The following PIK3AP1 variants were observed in gnomAD, a reference collection of about 807,000 sequenced individuals.
PIK3AP1 encodes phosphoinositide-3-kinase adaptor protein 1.
A neutral mutation model predicts 88.1 loss-of-function variants in PIK3AP1; 21 were observed. The observed-to-expected ratio is 0.24, with a 90% CI of 0.17 to 0.34. The LOEUF is 0.34. Ranked by LOEUF, PIK3AP1 falls within the 10% of genes least tolerant of loss-of-function variation. The pLI is 1.00. For synonymous variants in PIK3AP1, 398 were observed against 400.0 expected, an observed-to-expected ratio of 1.00 and a Z score of 0.06; for missense variants, 828 against 1,035.7, an observed-to-expected ratio of 0.80 and a Z score of 2.75.
chr10:96,622,018 C>T (rs913268404), intron 11 of PIK3AP1, among the ~76,000 whole-genome samples: 2 of 152,218 alleles, frequency 1.3e-5, no homozygotes, highest in Non-Finnish European at 2.9e-5. Context: ...AGAGAATACA[C>T]TGGAAGAGTT....
intron 8 of PIK3AP1, among the ~76,000 whole-genome samples, chr10:96,628,888 ACATATATATATATATATATGTG>A (rs1190005755): frequency 0.012 from 439 of 35,996 alleles, 7 homozygotes; most frequent in African/African-American, 0.046. Flanking sequence ...ATATATATAT[ACATATATATATATATATATGTG>A]TATATATATA....
At chr10:96,655,599 A>G (rs1408560640) in intron 3 of PIK3AP1, among the ~76,000 whole-genome samples, 2 of 152,096 alleles carry the variant, frequency 1.3e-5, no homozygotes, top group African/African-American at 4.8e-5. Flanking sequence ...TTGAATTGTA[A>G]CTCCCACAAT....
intron 2 of PIK3AP1, among the ~76,000 whole-genome samples, chr10:96,669,951 C>T (rs1480792433): frequency 2.0e-5 from 3 of 151,470 alleles, no homozygotes; most frequent in Admixed American, 6.6e-5. Flanking sequence ...CCGAGGTGGG[C>T]GGATCCTAAG....
intron 2 of PIK3AP1, among the ~76,000 whole-genome samples, chr10:96,683,779 TATC>T (rs1844032888): frequency 6.6e-6 from 1 of 152,268 alleles, no homozygotes; most frequent in South Asian, 2.1e-4. Flanking sequence ...ATAAGTGACA[TATC>T]ATCCAAGACC....
At chr10:96,659,653 A>G (rs1304522611) in intron 2 of PIK3AP1, among the ~76,000 whole-genome samples, 2 of 151,788 alleles carry the variant, frequency 1.3e-5, no homozygotes, top group Non-Finnish European at 2.9e-5. Context: ...ACTTAAGGCC[A>G]GGAGTTCAAG....
chr10:96,684,963 T>C (rs969868630), intron 2 of PIK3AP1, among the ~76,000 whole-genome samples: 2 of 152,130 alleles, frequency 1.3e-5, no homozygotes, highest in Non-Finnish European at 2.9e-5. Flanking sequence ...TGGTTTTTTG[T>C]TTGTGTTTGC....
intron 2 of PIK3AP1, among the ~76,000 whole-genome samples, chr10:96,690,712 C>T (rs1179133709): frequency 6.6e-6 from 1 of 152,190 alleles, no homozygotes; most frequent in East Asian, 1.9e-4. Flanking sequence ...GTGTGAATGG[C>T]AGCTGCCAAG....
At chr10:96,620,317 T>C (rs78780339) in intron 12 of PIK3AP1, 35 bp downstream of exon 12, 223,109 of 1,604,704 alleles carry the variant, frequency 0.14, 16,908 homozygotes, top group Non-Finnish European at 0.16. Flanking sequence ...AGTGGGGAAA[T>C]AGACATGAAA....
chr10:96,685,991 T>C (rs1472590177), intron 2 of PIK3AP1, among the ~76,000 whole-genome samples: 1 of 152,136 alleles, frequency 6.6e-6, no homozygotes, highest in African/African-American at 2.4e-5. Context: ...CACCAAGTCC[T>C]CACTAAATTC....
In PIK3AP1 at chr10:96,679,008, C is replaced by T. The variant is rs561543698; in HGVS notation, c.431-22074G>A. 1.8e-4 allele frequency among the ~76,000 whole-genome samples: 28 copies of T among 152,350 alleles called. No individual in the cohort carries two copies. In the South Asian group the frequency reaches 3.9e-3, roughly 21 times the overall value. ...TAAAAGCTTCATCTGAGTTATCACACTGAGGATGATGCAAATGCTCTGGGG... is the reference window on the plus strand; with the variant it reads ...TAAAAGCTTCATCTGAGTTATCACATTGAGGATGATGCAAATGCTCTGGGG... On this transcript the variant is annotated intron_variant, in intron 2 of 16. Transcript: ENST00000339364.
At chr10:96,644,001 G>A (rs1843425883) in intron 8 of PIK3AP1, among the ~76,000 whole-genome samples, 1 of 152,216 alleles carries the variant, frequency 6.6e-6, no homozygotes, top group African/African-American at 2.4e-5. Flanking sequence ...GCGAATGATG[G>A]TAACACATGA....
chr10:96,642,362 G>A (rs182262484), intron 8 of PIK3AP1, among the ~76,000 whole-genome samples: 8 of 150,334 alleles, frequency 5.3e-5, no homozygotes, highest in Admixed American at 2.7e-4. Flanking sequence ...GGAGGCAGTG[G>A]TTACAGGGAG....
At chr10:96,685,157 G>A (rs1368588800) in intron 2 of PIK3AP1, among the ~76,000 whole-genome samples, 2 of 152,204 alleles carry the variant, frequency 1.3e-5, no homozygotes, top group Non-Finnish European at 2.9e-5. Context: ...CAGCTTATGA[G>A]TTATTTATGC....
intron 2 of PIK3AP1, among the ~76,000 whole-genome samples, chr10:96,705,579 C>CTTT (rs57429192): frequency 1.5e-5 from 2 of 133,918 alleles, no homozygotes; most frequent in Non-Finnish European, 1.6e-5. Flanking sequence ...CATTGCATTT[C>CTTT]TTTTTTTTTT....
intron 8 of PIK3AP1, among the ~76,000 whole-genome samples, chr10:96,632,102 A>G (rs1393959443): frequency 1.3e-5 from 2 of 152,308 alleles, no homozygotes; most frequent in East Asian, 3.9e-4. Flanking sequence ...AGTGCTCTTC[A>G]AAAGTATCGA....
intron 2 of PIK3AP1, among the ~76,000 whole-genome samples, chr10:96,690,239 T>C (rs1844133345): frequency 2.0e-5 from 3 of 152,100 alleles, no homozygotes; most frequent in African/African-American, 7.2e-5. Context: ...GGGCAGGTCA[T>C]TTGTCAATGC....
At chr10:96,646,628 C>T (rs79268118) in intron 7 of PIK3AP1, among the ~76,000 whole-genome samples, 1,647 of 152,244 alleles carry the variant, frequency 0.011, 37 homozygotes, top group African/African-American at 0.038. Context: ...ACACTAGCCC[C>T]TGTTCCTTCA....
chr10:96,612,275 C>G lies in PIK3AP1; in HGVS notation c.2015-2408G>C, dbSNP rs1849125425. Among the ~76,000 whole-genome samples the G allele has an allele frequency of 2.0e-5, 3 of 152,180 alleles. No individual in the cohort carries two copies. In the South Asian group the frequency reaches 6.2e-4, roughly 32 times the overall value. ...GGCCATGGCTCTCACCAGCCCTTCT[C>G]TAATTTCCTACGCCATCAACGCTCT... On this transcript the variant is annotated intron_variant, in intron 13 of 16. Coordinates refer to ENST00000339364, the MANE Select transcript of PIK3AP1 (RefSeq NM_152309.3).
chr10:96,639,794 A>T (rs1843360010), intron 8 of PIK3AP1, among the ~76,000 whole-genome samples: 1 of 152,182 alleles, frequency 6.6e-6, no homozygotes, highest in African/African-American at 2.4e-5. Flanking sequence ...ACAGGGAGGG[A>T]GGCTCCTGAG....
Sources: gnomAD v4.1 joint callset for allele counts (sites outside exome capture counted in the v4.1 genomes callset) on GRCh38, gnomAD v4.1.1 for gene constraint, MANE v1.5 for transcripts, NCBI Gene and HGNC (gene_info 2026-07-23, HGNC 2026-07-21) for gene names.